Variants in CYRIA observed in about 807,000 individuals in gnomAD.
CYRIA encodes CYFIP related Rac1 interactor A.
In CYRIA, 15 loss-of-function variants were observed where a neutral mutation model predicts 43.9. The ratio of observed to expected loss-of-function variants is 0.34; its 90% confidence interval spans 0.23 to 0.53. The LOEUF (loss-of-function observed/expected upper bound fraction) is 0.53, where lower values mean the gene tolerates loss of function less well. CYRIA is among the 20% of genes least tolerant of loss of function. The pLI is 0.94. For synonymous variants in CYRIA, 117 were observed against 136.0 expected (o/e 0.86, Z 0.97); for missense variants, 236 against 394.2 (o/e 0.60, Z 3.40).
chr2:16,578,487 T>TAA (rs1667431111), intron 3 of CYRIA, among the ~76,000 whole-genome samples: 1 of 152,188 alleles, frequency 6.6e-6, no homozygotes, highest in African/African-American at 2.4e-5. Flanking sequence ...TGTTAAAGAA[T>TAA]CTATAATGTT....
chr2:16,607,951 G>C (rs776732368), intron 2 of CYRIA, among the ~76,000 whole-genome samples: 1 of 152,036 alleles, frequency 6.6e-6, no homozygotes, highest in Non-Finnish European at 1.5e-5. Context: ...GCCTAAAGAC[G>C]GCCTATCGTT....
At chr2:16,580,047 G>A (rs1006120412) in intron 3 of CYRIA, among the ~76,000 whole-genome samples, 12 of 151,680 alleles carry the variant, frequency 7.9e-5, no homozygotes, top group South Asian at 4.2e-4. Flanking sequence ...TCCTGGCCTC[G>A]AGCAATCCTC....
intron 9 of CYRIA, 61 bp downstream of exon 9, chr2:16,560,929 A>G: frequency 1.4e-6 from 2 of 1,418,332 alleles, no homozygotes; most frequent in Non-Finnish European, 1.0e-6. Flanking sequence ...TAACATCATC[A>G]TCTTAACAGA....
At chr2:16,564,350 A>T (rs112572514) in intron 4 of CYRIA, among the ~76,000 whole-genome samples, 4 of 152,192 alleles carry the variant, frequency 2.6e-5, no homozygotes. Flanking sequence ...AATACAAAAA[A>T]TTCACATCTA....
intron 2 of CYRIA, among the ~76,000 whole-genome samples, chr2:16,622,573 C>T (rs1269830323): frequency 6.6e-6 from 1 of 152,138 alleles, no homozygotes; most frequent in African/African-American, 2.4e-5. Context: ...AGAAACCATG[C>T]TCATGCGTGA....
At chr2:16,632,401 G>A (rs182804028) in intron 1 of CYRIA, among the ~76,000 whole-genome samples, 1 of 152,280 alleles carries the variant, frequency 6.6e-6, no homozygotes, top group East Asian at 1.9e-4. Flanking sequence ...AGGGTGCCTG[G>A]TTTCTAGTTT....
rs139373718 is a variant in CYRIA, at chr2:16,576,713, G to A, written c.71-10946C>T. On this transcript the variant is annotated intron_variant, in intron 3 of 11. Transcript: ENST00000381323. ...ACCACGACTAGCAGAAGCTTAGCAC[G>A]TAGAATACCCCTTTTATGATAATGT... Among the ~76,000 whole-genome samples, 113 of 152,270 alleles carry A rather than the reference G, an allele frequency of 7.4e-4. 1 individual carries two copies. In the East Asian group the frequency reaches 0.011, roughly 15 times the overall value.
At chr2:16,637,976 T>C (rs1669554767) in intron 1 of CYRIA, among the ~76,000 whole-genome samples, 1 of 152,268 alleles carries the variant, frequency 6.6e-6, no homozygotes, top group Admixed American at 6.5e-5. Context: ...GAAATCAGTA[T>C]GTTTCATTAA....
At chr2:16,609,055 G>A (rs1417446693) in intron 2 of CYRIA, among the ~76,000 whole-genome samples, 1 of 152,190 alleles carries the variant, frequency 6.6e-6, no homozygotes. Context: ...GCGAAGGCGA[G>A]TGCACACACA....
intron 10 of CYRIA, among the ~76,000 whole-genome samples, chr2:16,557,150 C>T (rs1479808229): frequency 6.6e-6 from 1 of 152,178 alleles, no homozygotes; most frequent in Non-Finnish European, 1.5e-5. Flanking sequence ...TCCTGGCATT[C>T]ACAATTAGCA....
At chr2:16,643,534 C>T (rs568961022) in intron 1 of CYRIA, among the ~76,000 whole-genome samples, 31 of 152,334 alleles carry the variant, frequency 2.0e-4, no homozygotes, top group Admixed American at 5.2e-4. Flanking sequence ...CACACAGTCA[C>T]GATGTAAATG....
chr2:16,665,313 G>A (rs535968366), intron 1 of CYRIA, among the ~76,000 whole-genome samples: 3 of 152,230 alleles, frequency 2.0e-5, no homozygotes, highest in South Asian at 4.1e-4. Context: ...TCTGTGGCAG[G>A]TGGCAACAGA....
chr2:16,559,107 C>G (rs1195500492), intron 10 of CYRIA, among the ~76,000 whole-genome samples: 3 of 152,126 alleles, frequency 2.0e-5, no homozygotes, highest in African/African-American at 4.8e-5. Flanking sequence ...TGTAGTATCT[C>G]CCAACTCTTC....
intron 2 of CYRIA, among the ~76,000 whole-genome samples, chr2:16,607,660 C>T (rs905334691): frequency 6.6e-5 from 10 of 152,142 alleles, no homozygotes; most frequent in South Asian, 2.1e-4. Context: ...ACTATCTTGG[C>T]TCACTGCAAC....
intron 2 of CYRIA, among the ~76,000 whole-genome samples, chr2:16,605,584 C>T (rs1266258013): frequency 6.6e-6 from 1 of 152,178 alleles, no homozygotes; most frequent in Admixed American, 6.5e-5. Flanking sequence ...GCCCCAGAGA[C>T]CCAAGCACTC....
At chr2:16,577,712 G>A (rs192779998) in intron 3 of CYRIA, among the ~76,000 whole-genome samples, 237 of 152,360 alleles carry the variant, frequency 1.6e-3, no homozygotes, top group African/African-American at 5.6e-3. Context: ...CAGAAGGACA[G>A]TCTATGTCAG....
At chr2:16,656,553 T>C (rs1229970623) in intron 1 of CYRIA, among the ~76,000 whole-genome samples, 2 of 152,172 alleles carry the variant, frequency 1.3e-5, no homozygotes, top group Non-Finnish European at 2.9e-5. Context: ...GGAAGCTACA[T>C]GGCTATCACT....
chr2:16,601,328 G>T (rs776675692), intron 2 of CYRIA, among the ~76,000 whole-genome samples: 1 of 152,162 alleles, frequency 6.6e-6, no homozygotes, highest in Non-Finnish European at 1.5e-5. Context: ...GGGGGATTCT[G>T]AGTGTGAAGG....
At chr2:16,554,211 T>C (rs1354214450) in intron 11 of CYRIA, among the ~76,000 whole-genome samples, 2 of 152,128 alleles carry the variant, frequency 1.3e-5, no homozygotes, top group Non-Finnish European at 2.9e-5. Context: ...CTTAGACTTA[T>C]TGAACACTTA....
Sources: allele counts gnomAD v4.1 joint callset (sites outside exome capture counted in the v4.1 genomes callset), GRCh38; gene constraint gnomAD v4.1.1; transcripts MANE v1.5; gene names NCBI Gene and HGNC (gene_info 2026-07-23, HGNC 2026-07-21).